CFTR: variants seen among roughly 807,000 people sequenced by gnomAD.
CFTR encodes the protein cystic fibrosis transmembrane conductance regulator.
CFTR carries 181 observed loss-of-function variants against 171.6 expected under a neutral mutation model. That is an observed-to-expected ratio of 1.05 (90% CI 0.93 to 1.19). CFTR has a LOEUF of 1.19. Among genes scored for constraint, CFTR ranks in the 50% most tolerant of loss-of-function variants. The probability of loss-of-function intolerance (pLI) is 0.00; values close to 1 mark genes in which losing one functional copy is unlikely to be tolerated. For synonymous variants in CFTR, 583 were observed against 608.0 expected (o/e 0.96, Z 0.60); for missense variants, 1,968 against 1,734.7 (o/e 1.13, Z -2.39).
intron 14 of CFTR, among the ~76,000 whole-genome samples, chr7:117,593,905 G>A (rs1407568950): frequency 3.9e-5 from 6 of 152,018 alleles, no homozygotes; most frequent in East Asian, 1.9e-4. Context: ...GAGCCACTGC[G>A]CCCAGCCCAT....
chr7:117,579,001 G>A (rs566910094), intron 11 of CFTR, among the ~76,000 whole-genome samples: 1 of 151,924 alleles, frequency 6.6e-6, no homozygotes, highest in East Asian at 1.9e-4. Flanking sequence ...AAACATGTTA[G>A]CTATATGATA....
At position 117,632,990 on chromosome 7, in the gene CFTR, T is replaced by A. The variant is rs34623047; in HGVS notation, c.3717+5220T>A. Among the ~76,000 whole-genome samples the A allele has an allele frequency of 2.5e-3, 385 of 152,316 alleles. 3 individuals are homozygous for A. Among genetic ancestry groups the A allele is most frequent in the African/African-American group, 7.2e-3 (301 of 41,578 alleles). On this transcript the variant is annotated intron_variant, in intron 22 of 26. Transcript: ENST00000003084. Reference sequence around the variant, plus strand: ...TCTTCTCTTTTGATACAGTGTTGGCTATTCTGGGTCTTTTGCCTCTCTTTA... The same window carrying A: ...TCTTCTCTTTTGATACAGTGTTGGCAATTCTGGGTCTTTTGCCTCTCTTTA...
At chr7:117,567,503 A>G (rs1369586884) in intron 11 of CFTR, among the ~76,000 whole-genome samples, 1 of 152,276 alleles carries the variant, frequency 6.6e-6, no homozygotes, top group African/African-American at 2.4e-5. Context: ...CAAGACATTA[A>G]TACCTACTTT....
At chr7:117,656,875 C>G (rs1019867514) in intron 24 of CFTR, among the ~76,000 whole-genome samples, 5 of 152,104 alleles carry the variant, frequency 3.3e-5, no homozygotes, top group Non-Finnish European at 2.9e-5. Flanking sequence ...CACAGTGGAC[C>G]CTGCCAGGAG....
chr7:117,529,754 A>G (rs1368673003), intron 3 of CFTR, among the ~76,000 whole-genome samples: 1 of 152,134 alleles, frequency 6.6e-6, no homozygotes, highest in African/African-American at 2.4e-5. Flanking sequence ...TTTAGAAAAT[A>G]CATTGTAGAA....
intron 11 of CFTR, among the ~76,000 whole-genome samples, chr7:117,567,034 A>G (rs2115961943): frequency 6.6e-6 from 1 of 152,342 alleles, no homozygotes; most frequent in Non-Finnish European, 1.5e-5. Flanking sequence ...GGAGCAAACT[A>G]TCCTATGAAT....
Position 117,664,772 on chromosome 7 carries a change from C to T in CFTR, c.4048C>T (p.His1350Tyr), listed in dbSNP as rs955306189. Residue 1350 changes from histidine to tyrosine, a missense_variant, in exon 25 of 27, where the codon CAC becomes TAC. By Grantham distance (83) the His-to-Tyr change is moderately conservative. Coordinates refer to ENST00000003084, the MANE Select transcript of CFTR (RefSeq NM_000492.4). Reference sequence around the variant, plus strand: ...TGGGGGCTGTGTCCTAAGCCATGGCCACAAGCAGTTGATGTGCTTGGCTAG... The same window carrying T: ...TGGGGGCTGTGTCCTAAGCCATGGCTACAAGCAGTTGATGTGCTTGGCTAG... ...VDGGCVLSHG[H>Y]KQLMCLARSV... 1.2e-6 allele frequency: 2 copies of T among 1,613,822 alleles called. No individual in the cohort carries two copies. Among genetic ancestry groups the T allele is most frequent in the Admixed American group, 3.3e-5 (2 of 59,984 alleles).
At chr7:117,579,727 A>T (rs2115996286) in intron 11 of CFTR, among the ~76,000 whole-genome samples, 1 of 151,480 alleles carries the variant, frequency 6.6e-6, no homozygotes, top group African/African-American at 2.4e-5. Context: ...ATACAGGAAT[A>T]AAAAAATGGA....
Position 117,595,077 on chromosome 7 carries a change from A to G in CFTR, c.2619+19A>G, listed in dbSNP as rs767358594. ...GGCAGAGGTAAGAATGTTCTATTGTAAAGTATTACTGGATTTAAAGTTAAA... is the reference window on the plus strand; with the variant it reads ...GGCAGAGGTAAGAATGTTCTATTGTGAAGTATTACTGGATTTAAAGTTAAA... On this transcript the variant is annotated intron_variant, in intron 15 of 26. Coordinates refer to ENST00000003084, the MANE Select transcript of CFTR (RefSeq NM_000492.4). 3 of 1,603,382 alleles carry G rather than the reference A, an allele frequency of 1.9e-6. No homozygotes were observed. In the East Asian group the frequency reaches 6.7e-5, roughly 36 times the overall value.
intron 10 of CFTR, among the ~76,000 whole-genome samples, chr7:117,557,347 A>G (rs1480897837): frequency 6.6e-6 from 1 of 152,156 alleles, no homozygotes; most frequent in East Asian, 1.9e-4. Flanking sequence ...ACCACATAAA[A>G]GAATATATTC....
At chr7:117,565,328 C>T (rs1791584042) in intron 11 of CFTR, among the ~76,000 whole-genome samples, 1 of 152,168 alleles carries the variant, frequency 6.6e-6, no homozygotes, top group Non-Finnish European at 1.5e-5. Context: ...GTACACTGTT[C>T]TCTTGCCTTT....
At chr7:117,580,633 A>G (rs1235207395) in intron 11 of CFTR, among the ~76,000 whole-genome samples, 1 of 152,096 alleles carries the variant, frequency 6.6e-6, no homozygotes, top group Non-Finnish European at 1.5e-5. Flanking sequence ...ATGCCAGGGT[A>G]AATCACATAG....
chr7:117,662,687 C>G (rs1562928429), intron 24 of CFTR, among the ~76,000 whole-genome samples: 1 of 152,112 alleles, frequency 6.6e-6, no homozygotes, highest in Non-Finnish European at 1.5e-5. Context: ...GTATGGTGGA[C>G]TTGCAATTTG....
intron 15 of CFTR, 72 bp downstream of exon 15, chr7:117,595,130 T>G: frequency 8.1e-7 from 1 of 1,230,768 alleles, no homozygotes; most frequent in Non-Finnish European, 1.2e-6. Context: ...TGTATACATA[T>G]ATATGCACAC....
At chr7:117,558,939 T>C (rs1799407167) in intron 10 of CFTR, among the ~76,000 whole-genome samples, 2 of 152,246 alleles carry the variant, frequency 1.3e-5, no homozygotes, top group Admixed American at 1.3e-4. Context: ...CTTTGTTCAC[T>C]GATAGTCCTT....
intron 3 of CFTR, among the ~76,000 whole-genome samples, chr7:117,516,979 C>T (rs1246384442): frequency 5.3e-5 from 8 of 151,902 alleles, no homozygotes; most frequent in Non-Finnish European, 1.2e-4. Context: ...TATTATTATA[C>T]TTTAAGTTGT....
Position 117,668,309 on chromosome 7 carries a change from TA to T in CFTR, c.*1205del, listed in dbSNP as rs1404925581. ...AGAATGATTATGAATTACATTTGTA[TA>T]AAATAATTTTTATATTTGAAATATT... On this transcript the variant is annotated 3_prime_UTR_variant, in exon 27 of 27. Transcript: ENST00000003084. 6.6e-6 allele frequency: 1 copy of T among 152,246 alleles called. No individual in the cohort carries two copies. The highest frequency in any genetic ancestry group is 1.5e-5 in the Non-Finnish European group (1 of 68,032). The allele number at this position is 152,246 out of a possible 1,614,324, so 9.4% of individuals were successfully genotyped here.
chr7:117,666,698 G>GA (rs1793381314), intron 26 of CFTR, among the ~76,000 whole-genome samples: 1 of 152,196 alleles, frequency 6.6e-6, no homozygotes, highest in Admixed American at 6.5e-5. Flanking sequence ...CTGCTGAGTA[G>GA]AAAATCACAA....
Position 117,603,692 on chromosome 7 carries a change from A to G in CFTR, c.2818A>G (p.Thr940Ala). ...CTTCAGAGGTCTACCACTGGTGCAT[A>G]CTCTAATCACAGTGTCGAAAATTTT... ...GFFRGLPLVH[T>A]LITVSKILHH... Residue 940 changes from threonine (T) to alanine (A), a missense_variant, in exon 17 of 27, where the codon ACT (threonine) becomes GCT (alanine). Thr to Ala is a moderately conservative substitution (Grantham distance 58, BLOSUM62 0). Coordinates refer to ENST00000003084, the MANE Select transcript of CFTR (RefSeq NM_000492.4). 6.2e-7 allele frequency: 1 copy of G among 1,614,054 alleles called. No homozygotes were observed. The highest frequency in any genetic ancestry group is 1.7e-5 in the Admixed American group (1 of 60,004).
Sources: allele counts gnomAD v4.1 joint callset (sites outside exome capture counted in the v4.1 genomes callset), GRCh38; gene constraint gnomAD v4.1.1; transcripts MANE v1.5; gene names NCBI Gene and HGNC (gene_info 2026-07-23, HGNC 2026-07-21).